The following ZFHX3 variants were observed in gnomAD, a reference collection of about 807,000 sequenced individuals.
ZFHX3 encodes the protein zinc finger homeobox protein 3.
A neutral mutation model predicts 279.1 loss-of-function variants in ZFHX3; 42 were observed. That is an observed-to-expected ratio of 0.15 (90% CI 0.12 to 0.19). ZFHX3 has a LOEUF of 0.19. ZFHX3 is among the 10% of genes least tolerant of loss of function. The pLI, the probability that ZFHX3 is intolerant of heterozygous loss-of-function variation, is 1.00. For missense variants in ZFHX3, 4,981 were observed against 4,754.0 expected (o/e 1.05, Z -1.40); for synonymous variants, 2,293 against 1,957.8 (o/e 1.17, Z -4.52).
At chr16:73,747,865 A>G (rs441148) in intron 1 of ZFHX3, among the ~76,000 whole-genome samples, 35,347 of 152,066 alleles carry the variant, frequency 0.23, 4,630 homozygotes, top group African/African-American at 0.37. Context: ...GACCAGTTGC[A>G]TAGCCTCCAA....
At chr16:73,178,544 A>G (rs1967717617) in intron 5 of ZFHX3, among the ~76,000 whole-genome samples, 1 of 152,188 alleles carries the variant, frequency 6.6e-6, no homozygotes, top group South Asian at 2.1e-4. Flanking sequence ...TCATTTGTCT[A>G]TGGCATGATT....
At chr16:73,563,013 A>C (rs978566407) in intron 2 of ZFHX3, among the ~76,000 whole-genome samples, 2 of 152,196 alleles carry the variant, frequency 1.3e-5, no homozygotes, top group African/African-American at 2.4e-5. Context: ...TTCTAAAGCC[A>C]GTGATTCAAA....
At chr16:72,947,666 G>A (rs896317768) in intron 3 of ZFHX3, among the ~76,000 whole-genome samples, 7 of 152,082 alleles carry the variant, frequency 4.6e-5, no homozygotes, top group Non-Finnish European at 1.0e-4. Flanking sequence ...TTGGAGAGCC[G>A]CCCTGGCTGA....
intron 4 of ZFHX3, among the ~76,000 whole-genome samples, chr16:73,313,004 T>C (rs577920379): frequency 6.6e-6 from 1 of 152,332 alleles, no homozygotes; most frequent in South Asian, 2.1e-4. Flanking sequence ...AAACCTCATG[T>C]TGAATTGTCA....
intron 1 of ZFHX3, among the ~76,000 whole-genome samples, chr16:73,030,104 T>C (rs1964642326): frequency 6.6e-6 from 1 of 152,184 alleles, no homozygotes; most frequent in African/African-American, 2.4e-5. Context: ...CACAAATTTT[T>C]TAAAAGTGGA....
chr16:73,264,383 C>T (rs538084652), intron 4 of ZFHX3, among the ~76,000 whole-genome samples: 87 of 152,240 alleles, frequency 5.7e-4, no homozygotes, highest in African/African-American at 2.1e-3. Context: ...CATTCCCCTT[C>T]CTTCCAACTT....
At chr16:73,025,562 C>T (rs1964467838) in intron 1 of ZFHX3, among the ~76,000 whole-genome samples, 1 of 152,194 alleles carries the variant, frequency 6.6e-6, no homozygotes, top group East Asian at 1.9e-4. Context: ...TGAAAATACA[C>T]TTTCCACTTG....
intron 5 of ZFHX3, among the ~76,000 whole-genome samples, chr16:73,225,868 G>T (rs544971129): frequency 1.3e-5 from 2 of 152,096 alleles, no homozygotes; most frequent in Non-Finnish European, 2.9e-5. Flanking sequence ...GACAGTCACC[G>T]TCCATTCCCT....
chr16:73,778,523 A>C (rs1449616696), intron 1 of ZFHX3, among the ~76,000 whole-genome samples: 3 of 152,354 alleles, frequency 2.0e-5, no homozygotes, highest in South Asian at 2.1e-4. Flanking sequence ...AATATGTATT[A>C]AGCTGCTGTT....
chr16:73,092,922 T>C (rs1213898187), intron 8 of ZFHX3: 2 of 519,980 alleles, frequency 3.8e-6, no homozygotes, highest in East Asian at 5.4e-5. Context: ...CAGCCACCCA[T>C]GCTAGTTGCA....
chr16:72,825,228 C>T (rs1425294228), intron 5 of ZFHX3, among the ~76,000 whole-genome samples: 1 of 152,318 alleles, frequency 6.6e-6, no homozygotes, highest in East Asian at 1.9e-4. Flanking sequence ...AGACTGAGCA[C>T]AACGCCAGCT....
chr16:73,440,971 A>G (rs28419217), intron 3 of ZFHX3, among the ~76,000 whole-genome samples: 6,170 of 152,262 alleles, frequency 0.041, 399 homozygotes, highest in African/African-American at 0.14. Context: ...ATTAGGGAAG[A>G]GAGATAAGCA....
chr16:73,787,952 T>A, intron 1 of ZFHX3, among the ~76,000 whole-genome samples: 1 of 151,058 alleles, frequency 6.6e-6, no homozygotes, highest in South Asian at 2.1e-4. Flanking sequence ...TTCACACGCA[T>A]TCCACTGGGG....
chr16:73,363,240 G>A (rs1052618841), intron 3 of ZFHX3, among the ~76,000 whole-genome samples: 5 of 152,164 alleles, frequency 3.3e-5, no homozygotes, highest in African/African-American at 9.7e-5. Context: ...CGGAGGACCC[G>A]GATCAAACTG....
At chr16:73,737,363 T>C (rs2053618484) in intron 1 of ZFHX3, among the ~76,000 whole-genome samples, 1 of 152,174 alleles carries the variant, frequency 6.6e-6, no homozygotes, top group South Asian at 2.1e-4. Context: ...ATAACAAATA[T>C]GTTTGACAAA....
intron 2 of ZFHX3, among the ~76,000 whole-genome samples, chr16:73,591,415 C>T (rs1300575965): frequency 1.3e-5 from 2 of 151,042 alleles, no homozygotes; most frequent in Admixed American, 6.6e-5. Context: ...CAGAGGGGGC[C>T]GGGTGCGGTG....
At chr16:73,319,948 T>A (rs1242949334) in intron 3 of ZFHX3, among the ~76,000 whole-genome samples, 3 of 152,166 alleles carry the variant, frequency 2.0e-5, no homozygotes, top group Non-Finnish European at 2.9e-5. Flanking sequence ...GGTCCACTAT[T>A]AAAATGATGA....
At chr16:72,957,402 C>T in intron 2 of ZFHX3, 25 bp downstream of exon 2, 1 of 1,570,770 alleles carries the variant, frequency 6.4e-7, no homozygotes, top group Non-Finnish European at 8.6e-7. Context: ...ATCATGAAAA[C>T]AGACAAACAC....
intron 3 of ZFHX3, among the ~76,000 whole-genome samples, chr16:73,377,296 C>G (rs1351549540): frequency 6.6e-6 from 1 of 152,094 alleles, no homozygotes; most frequent in Non-Finnish European, 1.5e-5. Flanking sequence ...ATTGCTGCAA[C>G]AGTGTCCCCA....
Sources: allele counts gnomAD v4.1 joint callset (sites outside exome capture counted in the v4.1 genomes callset), GRCh38; gene constraint gnomAD v4.1.1; transcripts MANE v1.5; gene names NCBI Gene and HGNC (gene_info 2026-07-23, HGNC 2026-07-21).